ASTN2: variants seen among roughly 807,000 people sequenced by gnomAD.
The protein encoded by ASTN2 is astrotactin-2.
In ASTN2, 54 loss-of-function variants were observed where a neutral mutation model predicts 139.8. The observed-to-expected ratio is 0.39, with a 90% CI of 0.31 to 0.48. ASTN2 has a LOEUF of 0.48. Ranked by LOEUF, ASTN2 falls within the 20% of genes least tolerant of loss-of-function variation. ASTN2 has a pLI of 0.95. For synonymous variants in ASTN2, 756 were observed against 719.5 expected, an observed-to-expected ratio of 1.05 and a Z score of -0.81; for missense variants, 1,565 against 1,725.1, an observed-to-expected ratio of 0.91 and a Z score of 1.64.
intron 2 of ASTN2, among the ~76,000 whole-genome samples, chr9:117,247,314 C>A (rs2133084402): frequency 6.6e-6 from 1 of 152,306 alleles, no homozygotes; most frequent in Non-Finnish European, 1.5e-5. Context: ...GCTGCCAATA[C>A]CATTTGTCAC....
intron 19 of ASTN2, among the ~76,000 whole-genome samples, chr9:116,549,687 C>T (rs1044583277): frequency 6.6e-6 from 1 of 152,212 alleles, no homozygotes; most frequent in African/African-American, 2.4e-5. Context: ...GTACTCCCAA[C>T]ATGCTGAACA....
chr9:116,697,623 G>A, intron 16 of ASTN2: 1 of 1,285,164 alleles, frequency 7.8e-7, no homozygotes, highest in Non-Finnish European at 1.1e-6. Flanking sequence ...TATTTATATA[G>A]TCAGAGGAAA....
chr9:117,073,613 T>C (rs1390233596), intron 5 of ASTN2, among the ~76,000 whole-genome samples: 1 of 152,206 alleles, frequency 6.6e-6, no homozygotes, highest in Non-Finnish European at 1.5e-5. Context: ...CAGCAATTAC[T>C]GCAGGGTGAA....
intron 10 of ASTN2, among the ~76,000 whole-genome samples, chr9:116,964,462 A>T (rs1393132191): frequency 6.6e-6 from 1 of 152,148 alleles, no homozygotes; most frequent in Non-Finnish European, 1.5e-5. Flanking sequence ...GGTGAGACAG[A>T]GTGAGGCTTT....
intron 1 of ASTN2, among the ~76,000 whole-genome samples, chr9:117,329,295 C>T (rs952076363): frequency 2.7e-5 from 4 of 148,638 alleles, no homozygotes; most frequent in African/African-American, 1.0e-4. Flanking sequence ...GAGGTAGATA[C>T]CATTCCTTGT....
At chr9:116,651,857 T>G in intron 16 of ASTN2, 64 bp from the exon 17 acceptor site, 17 of 1,555,870 alleles carry the variant, frequency 1.1e-5, no homozygotes, top group Non-Finnish European at 1.4e-5. Flanking sequence ...GGCCAGACTC[T>G]TGAATTCACA....
At chr9:116,822,512 G>A (rs928810822) in intron 11 of ASTN2, among the ~76,000 whole-genome samples, 3 of 152,152 alleles carry the variant, frequency 2.0e-5, no homozygotes, top group African/African-American at 4.8e-5. Context: ...AGCCGTTTGT[G>A]AGTACTGGGG....
At position 116,837,892 on chromosome 9, in the gene ASTN2, C is replaced by T. The variant is rs1832054300; in HGVS notation, c.2041-17109G>A. Among the ~76,000 whole-genome samples, 7 of 152,288 alleles carry T rather than the reference C, an allele frequency of 4.6e-5. No homozygotes were observed. The South Asian group carries it at 1.5e-3, about 32-fold the overall frequency. On this transcript the variant is annotated intron_variant, in intron 11 of 22. Coordinates refer to ENST00000313400, the MANE Select transcript of ASTN2 (RefSeq NM_001365068.1). ...CTGAAAGGCAGGTGGGGTAAAGGAA[C>T]AGCACTAGTCTTAGAACCAGCCTTT...
At chr9:116,579,026 G>A (rs1853842913) in intron 19 of ASTN2, 1 of 151,864 alleles carries the variant, frequency 6.6e-6, no homozygotes, top group South Asian at 2.1e-4. Flanking sequence ...AGGCACCTGT[G>A]ATTCTCAAAA....
At chr9:117,082,311 C>G (rs1266657037) in intron 5 of ASTN2, among the ~76,000 whole-genome samples, 1 of 152,162 alleles carries the variant, frequency 6.6e-6, no homozygotes, top group African/African-American at 2.4e-5. Flanking sequence ...TCACTTTCAG[C>G]AATCTTCAGT....
At chr9:116,518,162 TG>T (rs1262998127) in intron 19 of ASTN2, among the ~76,000 whole-genome samples, 4 of 152,132 alleles carry the variant, frequency 2.6e-5, no homozygotes, top group African/African-American at 9.7e-5. Flanking sequence ...AAAGAGCACC[TG>T]GGAAATTCAT....
chr9:116,470,953 G>T (rs948615437), intron 20 of ASTN2, among the ~76,000 whole-genome samples: 1 of 152,106 alleles, frequency 6.6e-6, no homozygotes, highest in Non-Finnish European at 1.5e-5. Context: ...ACTCTAAGAC[G>T]ATGTATTGTT....
chr9:117,088,778 G>T (rs1828630707), intron 5 of ASTN2, among the ~76,000 whole-genome samples: 1 of 152,190 alleles, frequency 6.6e-6, no homozygotes, highest in African/African-American at 2.4e-5. Flanking sequence ...TCTATAACTG[G>T]CTGAGCAACC....
chr9:116,571,812 C>CGT (rs371134742), intron 19 of ASTN2, among the ~76,000 whole-genome samples: 2 of 151,872 alleles, frequency 1.3e-5, no homozygotes, highest in Non-Finnish European at 2.9e-5. Flanking sequence ...GTGTGCTTCC[C>CGT]GTGTGTGTGT....
chr9:117,337,570 G>T (rs894819461), intron 1 of ASTN2, among the ~76,000 whole-genome samples: 1 of 152,156 alleles, frequency 6.6e-6, no homozygotes, highest in African/African-American at 2.4e-5. Flanking sequence ...AGTAGAGAAA[G>T]AAAGCAACTT....
chr9:117,322,102 C>T (rs1461919445), intron 1 of ASTN2, among the ~76,000 whole-genome samples: 5 of 152,170 alleles, frequency 3.3e-5, no homozygotes, highest in South Asian at 2.1e-4. Flanking sequence ...CCGGGCAAGC[C>T]TTTATTGCTC....
At position 117,258,080 on chromosome 9, in the gene ASTN2, G is replaced by A. The variant is rs147719216; in HGVS notation, c.630+33246C>T. On this transcript the variant is annotated intron_variant, in intron 2 of 22. Coordinates refer to ENST00000313400, the MANE Select transcript of ASTN2 (RefSeq NM_001365068.1). ...AGTGGTTTAGTCTCTCCATTGGAAG[G>A]AAGAAGGAAGGAACGATTGTGGCCC... Among the ~76,000 whole-genome samples, 395 of 152,298 alleles carry A rather than the reference G, an allele frequency of 2.6e-3. 1 individual carries two copies. Among genetic ancestry groups the A allele is most frequent in the Non-Finnish European group, 4.3e-3 (293 of 68,028 alleles).
At position 117,214,412 on chromosome 9, in the gene ASTN2, T is replaced by G. The variant is rs375526308; in HGVS notation, c.961A>C (p.Thr321Pro). 5.0e-6 allele frequency: 8 copies of G among 1,613,720 alleles called. No homozygotes were observed. The highest frequency in any genetic ancestry group is 1.3e-5 in the African/African-American group (1 of 74,908). Reference protein sequence around the residue: ...EDEFGSQVTHTLDSLGHPGEE... With the variant: ...EDEFGSQVTHPLDSLGHPGEE... ...CCTGGATGTCCCAGACTGTCCAGAG[T>G]GTGGGTCACCTGGCTGCCAAACTCG... Residue 321 changes from threonine to proline, a missense_variant, in exon 3 of 23, where the codon ACT becomes CCT. Thr to Pro is a conservative substitution (Grantham distance 38, BLOSUM62 -1). This residue lies in a region of ASTN2 where 596 missense variants were observed against 576.8 expected (regional missense o/e 1.03). Coordinates refer to ENST00000313400, the MANE Select transcript of ASTN2 (RefSeq NM_001365068.1).
intron 13 of ASTN2, among the ~76,000 whole-genome samples, chr9:116,765,231 T>C (rs1829778082): frequency 6.6e-6 from 1 of 151,988 alleles, no homozygotes; most frequent in Non-Finnish European, 1.5e-5. Context: ...AAAGCCCTGT[T>C]CTCCTTCTCT....
Sources: gnomAD v4.1 joint callset for allele counts (sites outside exome capture counted in the v4.1 genomes callset) on GRCh38, gnomAD v4.1.1 for gene constraint, gnomAD v4.1.1 regional missense constraint, MANE v1.5 for transcripts, NCBI Gene and HGNC (gene_info 2026-07-23, HGNC 2026-07-21) for gene names.